The following GLP2R variants were observed in gnomAD, a reference collection of about 807,000 sequenced individuals.
GLP2R encodes glucagon like peptide 2 receptor.
GLP2R carries 59 observed loss-of-function variants against 68.2 expected under a neutral mutation model. That is an observed-to-expected ratio of 0.87 (90% CI 0.70 to 1.07). The LOEUF (loss-of-function observed/expected upper bound fraction) is 1.07. Ranked by LOEUF, GLP2R falls within the 50% of genes least tolerant of loss-of-function variation. The pLI is 0.00. For synonymous variants in GLP2R, 270 were observed against 265.4 expected (o/e 1.02, Z -0.17); for missense variants, 548 against 677.4 (o/e 0.81, Z 2.12).
chr17:9,871,690 C>T (rs1042370072), intron 10 of GLP2R, among the ~76,000 whole-genome samples: 2 of 151,084 alleles, frequency 1.3e-5, no homozygotes, highest in African/African-American at 4.9e-5. Flanking sequence ...GGGTTTCCTC[C>T]CTCTTTTCCT....
chr17:9,852,918 T>A, intron 4 of GLP2R: 1 of 484,536 alleles, frequency 2.1e-6, no homozygotes, highest in Non-Finnish European at 3.9e-6. Context: ...TACTTAAGAG[T>A]TTCACATTCT....
intron 1 of GLP2R, among the ~76,000 whole-genome samples, chr17:9,832,404 C>G (rs928003689): frequency 1.3e-5 from 2 of 152,142 alleles, no homozygotes; most frequent in African/African-American, 4.8e-5. Flanking sequence ...GAAACCCTGT[C>G]TCTACTAAAA....
chr17:9,884,564 C>T (rs1433821726), intron 11 of GLP2R, among the ~76,000 whole-genome samples: 2 of 152,082 alleles, frequency 1.3e-5, no homozygotes, highest in African/African-American at 4.8e-5. Flanking sequence ...AGCAATATAC[C>T]AGACAGGGTC....
intron 10 of GLP2R, among the ~76,000 whole-genome samples, chr17:9,872,365 T>G (rs2067102979): frequency 6.6e-6 from 1 of 152,142 alleles, no homozygotes; most frequent in South Asian, 2.1e-4. Context: ...TCACCTGAGG[T>G]CAGGAGTTCA....
chr17:9,867,435 G>A (rs1244539678), intron 9 of GLP2R, among the ~76,000 whole-genome samples: 4 of 152,198 alleles, frequency 2.6e-5, no homozygotes, highest in Non-Finnish European at 5.9e-5. Context: ...ACCATAATGT[G>A]GCAACCTGAA....
In GLP2R at chr17:9,857,429, C is replaced by T; in HGVS notation, c.618C>T (p.Leu206=). 6.2e-7 allele frequency: 1 copy of T among 1,614,104 alleles called. No homozygotes were observed. The highest frequency in any genetic ancestry group is 1.1e-5 in the South Asian group (1 of 91,070). Residue 206 remains leucine (L), a synonymous_variant, in exon 6 of 13, where the codon CTC becomes CTT. Transcript: ENST00000262441. ...ALTLLLFLRK[L]HCTRNYIHMN... ...TGGTTTTCTCCTCGCACAGAAAACT[C>T]CACTGCACGCGCAACTACATCCACA...
Position 9,836,380 on chromosome 17 carries a change from G to A in GLP2R, c.287G>A (p.Cys96Tyr), listed in dbSNP as rs745769151. ...CTTCTTCTCTCTGTAGGCATATTTT[G>A]TAACGGGACATTTGATCAGTACGTG... ...DLLKEPSGIF[C>Y]NGTFDQYVCW... is the part of the protein sequence containing the mutation. The change falls in exon 3 of 13, where the codon TGT becomes TAT. Residue 96 changes from cysteine to tyrosine, a missense_variant. Physicochemically the swap from Cys to Tyr is radical, Grantham distance 194 (BLOSUM62 -2). Transcript: ENST00000262441. The A allele has an allele frequency of 1.2e-6, 2 of 1,604,428 alleles. No individual in the cohort carries two copies. Among genetic ancestry groups the A allele is most frequent in the African/African-American group, 2.7e-5 (2 of 74,740 alleles).
intron 4 of GLP2R, among the ~76,000 whole-genome samples, chr17:9,851,329 T>C (rs779880723): frequency 6.6e-6 from 1 of 152,236 alleles, no homozygotes; most frequent in Non-Finnish European, 1.5e-5. Context: ...ACTTTCAAGG[T>C]GTTTCATAGT....
At chr17:9,830,027 A>G (rs947243039) in intron 1 of GLP2R, among the ~76,000 whole-genome samples, 1 of 152,222 alleles carries the variant, frequency 6.6e-6, no homozygotes, top group African/African-American at 2.4e-5. Flanking sequence ...ATTCACCCGT[A>G]TATCTTCTTT....
intron 6 of GLP2R, among the ~76,000 whole-genome samples, 188 bp from the exon 7 acceptor site, chr17:9,859,754 G>A (rs563058624): frequency 6.5e-4 from 95 of 146,364 alleles, no homozygotes; most frequent in African/African-American, 2.3e-3. Context: ...GGGAGCTGGA[G>A]GTTGCAGTGT....
In GLP2R at chr17:9,854,611, A is replaced by C; in HGVS notation, c.611+10A>C. 6.8e-7 allele frequency: 1 copy of C among 1,462,260 alleles called. No individual in the cohort carries two copies. Among genetic ancestry groups the C allele is most frequent in the Non-Finnish European group, 9.6e-7 (1 of 1,041,364 alleles). 90.6% of individuals were successfully genotyped at this position (1,462,260 alleles called of 1,614,324 possible). On this transcript the variant is annotated intron_variant, in intron 5 of 12. Coordinates refer to ENST00000262441, the MANE Select transcript of GLP2R (RefSeq NM_004246.3). ...TCCTCTTGTTTCTTCGGTGAGTAGAACTTCTGCAGGCATGTGTTCGGGCAG... is the reference window on the plus strand; with the variant it reads ...TCCTCTTGTTTCTTCGGTGAGTAGACCTTCTGCAGGCATGTGTTCGGGCAG...
chr17:9,880,279 T>C, intron 10 of GLP2R, 99 bp from the exon 11 acceptor site: 1 of 711,852 alleles, frequency 1.4e-6, no homozygotes, highest in South Asian at 2.2e-5. Flanking sequence ...CAACTATCAA[T>C]ATGGTAAGAG....
intron 4 of GLP2R, among the ~76,000 whole-genome samples, chr17:9,854,025 A>G (rs2066914250): frequency 6.6e-6 from 1 of 152,212 alleles, no homozygotes; most frequent in African/African-American, 2.4e-5. Flanking sequence ...AAATATTGCA[A>G]TGTTTCATTG....
At position 9,871,373 on chromosome 17, in the gene GLP2R, T is replaced by C. The variant is rs368281161; in HGVS notation, c.1145+538T>C. ...AAAAAAAAAAAAAAGTTTCTAAGAA[T>C]GGGTGGTTGTGGGAAAAGGACAGTC... On this transcript the variant is annotated intron_variant, in intron 10 of 12. Transcript: ENST00000262441. Among the ~76,000 whole-genome samples the C allele has an allele frequency of 4.7e-5, 7 of 149,866 alleles. No homozygotes were observed. The East Asian group carries it at 7.8e-4, about 17-fold the overall frequency.
intron 10 of GLP2R, among the ~76,000 whole-genome samples, chr17:9,872,742 G>A (rs2152044800): frequency 6.6e-6 from 1 of 152,282 alleles, no homozygotes; most frequent in Admixed American, 6.5e-5. Flanking sequence ...AAGTGCCTTG[G>A]CCCCTTTGGC....
chr17:9,869,859 A>C (rs1405103189), intron 9 of GLP2R, among the ~76,000 whole-genome samples: 1 of 152,186 alleles, frequency 6.6e-6, no homozygotes, highest in Non-Finnish European at 1.5e-5. Flanking sequence ...AACTAAATCT[A>C]GCTCACCTCA....
chr17:9,832,713 AGAGT>A (rs35464203), intron 1 of GLP2R, among the ~76,000 whole-genome samples: 29,359 of 151,900 alleles, frequency 0.19, 3,911 homozygotes, highest in African/African-American at 0.37. Context: ...CCTGGGCAAC[AGAGT>A]GAGGAGAACT....
chr17:9,857,255 G>C (rs1475694871), intron 5 of GLP2R, among the ~76,000 whole-genome samples, 168 bp from the exon 6 acceptor site: 2 of 152,152 alleles, frequency 1.3e-5, no homozygotes, highest in Non-Finnish European at 2.9e-5. Flanking sequence ...TACAAATGAC[G>C]AAACTGAGGC....
At position 9,847,564 on chromosome 17, in the gene GLP2R, G is replaced by A. The variant is rs149579256; in HGVS notation, c.504+4948G>A. ...ATTACAGGTGTGAGCCACCGCGCCC[G>A]GCCATCGTTTAATTTTTAAGAATGC... On this transcript the variant is annotated intron_variant, in intron 4 of 12. Transcript: ENST00000262441. Among the ~76,000 whole-genome samples, 60 of 152,152 alleles carry A rather than the reference G, an allele frequency of 3.9e-4. 1 individual carries two copies. The highest frequency in any genetic ancestry group is 1.3e-3 in the African/African-American group (56 of 41,528).
Sources: gnomAD v4.1 joint callset for allele counts (sites outside exome capture counted in the v4.1 genomes callset) on GRCh38, gnomAD v4.1.1 for gene constraint, MANE v1.5 for transcripts, NCBI Gene and HGNC (gene_info 2026-07-23, HGNC 2026-07-21) for gene names.